Variants in GRIK4 observed in about 807,000 individuals in gnomAD.
The protein encoded by GRIK4 is glutamate receptor ionotropic, kainate 4.
GRIK4 carries 40 observed loss-of-function variants against 104.9 expected under a neutral mutation model. The observed-to-expected ratio is 0.38, with a 90% CI of 0.30 to 0.50. The LOEUF (loss-of-function observed/expected upper bound fraction) is 0.50, where lower values mean the gene tolerates loss of function less well. GRIK4 is among the 20% of genes least tolerant of loss of function. GRIK4 has a pLI of 0.93. For missense variants in GRIK4, 1,047 were observed against 1,308.1 expected, an observed-to-expected ratio of 0.80 and a Z score of 3.08; for synonymous variants, 485 against 524.9, an observed-to-expected ratio of 0.92 and a Z score of 1.04.
At chr11:120,984,825 T>C (rs1301292313) in intron 20 of GRIK4, among the ~76,000 whole-genome samples, 1 of 148,264 alleles carries the variant, frequency 6.7e-6, no homozygotes, top group Non-Finnish European at 1.5e-5. Flanking sequence ...ATATTCTTTT[T>C]TTTTTTTTTT....
chr11:120,635,278 C>T (rs1334672800), intron 1 of GRIK4, among the ~76,000 whole-genome samples: 2 of 152,194 alleles, frequency 1.3e-5, no homozygotes, highest in Non-Finnish European at 2.9e-5. Context: ...CTGCAACCAC[C>T]CAAGGTGCAC....
intron 3 of GRIK4, among the ~76,000 whole-genome samples, chr11:120,669,684 C>A (rs1421154395): frequency 6.6e-6 from 1 of 152,250 alleles, no homozygotes; most frequent in African/African-American, 2.4e-5. Flanking sequence ...CTAGACCACG[C>A]CCCATCTTGT....
intron 13 of GRIK4, among the ~76,000 whole-genome samples, chr11:120,935,477 G>A (rs1266395872): frequency 6.6e-6 from 1 of 152,170 alleles, no homozygotes; most frequent in East Asian, 1.9e-4. Flanking sequence ...TCGAATGTGG[G>A]AGGTGGAGGT....
intron 7 of GRIK4, among the ~76,000 whole-genome samples, 189 bp downstream of exon 7, chr11:120,832,219 A>T (rs188724949): frequency 1.8e-3 from 274 of 152,234 alleles, no homozygotes; most frequent in African/African-American, 6.1e-3. Context: ...GGTGAGGGTG[A>T]TGTCGTTTTC....
At chr11:120,663,129 C>T (rs1186498465) in intron 3 of GRIK4, among the ~76,000 whole-genome samples, 2 of 152,228 alleles carry the variant, frequency 1.3e-5, no homozygotes, top group East Asian at 3.8e-4. Flanking sequence ...GATTTTGCTT[C>T]AGTCCCTCTG....
chr11:120,648,247 C>G (rs950777019), intron 1 of GRIK4, among the ~76,000 whole-genome samples: 3 of 152,202 alleles, frequency 2.0e-5, no homozygotes, highest in Non-Finnish European at 4.4e-5. Context: ...TGTGACATCT[C>G]TAGGCCACTG....
Position 120,903,906 on chromosome 11 carries a change from C to T in GRIK4, c.1273-1384C>T, listed in dbSNP as rs1942806837. 6.6e-6 allele frequency among the ~76,000 whole-genome samples: 1 copy of T among 152,244 alleles called. No individual in the cohort carries two copies. Among genetic ancestry groups the T allele is most frequent in the Non-Finnish European group, 1.5e-5 (1 of 68,052 alleles). On this transcript the variant is annotated intron_variant, in intron 12 of 20. Coordinates refer to ENST00000527524, the MANE Select transcript of GRIK4 (RefSeq NM_014619.5). The surrounding 1 kb of genome is among the most constrained non-coding windows in gnomAD (Gnocchi z 4.4). Reference sequence around the variant, plus strand: ...TGACACATGATCAACACGCTGGTTCCCAGCCCTGCTAGGTCTGTGAGAATG... The same window carrying T: ...TGACACATGATCAACACGCTGGTTCTCAGCCCTGCTAGGTCTGTGAGAATG...
chr11:120,931,704 A>C (rs1202679065), intron 13 of GRIK4, among the ~76,000 whole-genome samples: 2 of 152,216 alleles, frequency 1.3e-5, no homozygotes, highest in Non-Finnish European at 1.5e-5. Context: ...GAGTGAGGTA[A>C]CATGTAAAGG....
At chr11:120,635,388 C>T (rs535970287) in intron 1 of GRIK4, among the ~76,000 whole-genome samples, 15 of 152,360 alleles carry the variant, frequency 9.8e-5, no homozygotes, top group African/African-American at 2.4e-4. Context: ...CTGAGTCCTG[C>T]GTGCCGCAGT....
intron 1 of GRIK4, among the ~76,000 whole-genome samples, chr11:120,598,572 A>G (rs1214422519): frequency 1.3e-5 from 2 of 152,152 alleles, no homozygotes; most frequent in Non-Finnish European, 2.9e-5. Context: ...GAACTTGACT[A>G]TTATTGATGG....
intron 1 of GRIK4, chr11:120,620,143 A>G (rs1332603903): frequency 1.6e-5 from 13 of 833,696 alleles, no homozygotes; most frequent in Non-Finnish European, 2.6e-5. Flanking sequence ...ACATGGCTTT[A>G]TCATGCCTGA....
At chr11:120,618,383 A>G (rs1271688529) in intron 1 of GRIK4, among the ~76,000 whole-genome samples, 1 of 152,248 alleles carries the variant, frequency 6.6e-6, no homozygotes, top group East Asian at 1.9e-4. Context: ...TTAAAAGAGG[A>G]GAAGAGCATG....
intron 1 of GRIK4, among the ~76,000 whole-genome samples, chr11:120,534,195 G>A (rs1947949189): frequency 6.6e-6 from 1 of 152,170 alleles, no homozygotes; most frequent in African/African-American, 2.4e-5. Context: ...TGGAAGGCAG[G>A]TGTTTACGTG....
intron 13 of GRIK4, among the ~76,000 whole-genome samples, chr11:120,935,056 T>A (rs1161891792): frequency 6.6e-6 from 1 of 152,214 alleles, no homozygotes; most frequent in Non-Finnish European, 1.5e-5. Context: ...CGTTCAATAC[T>A]GCTGACCGCC....
chr11:120,978,304 A>G (rs1944595058), intron 19 of GRIK4, among the ~76,000 whole-genome samples: 1 of 152,240 alleles, frequency 6.6e-6, no homozygotes, highest in African/African-American at 2.4e-5. Context: ...ACACAAAAGT[A>G]GTATACCTAA....
intron 11 of GRIK4, among the ~76,000 whole-genome samples, chr11:120,883,751 G>T (rs374341200): frequency 8.2e-4 from 125 of 152,372 alleles, no homozygotes; most frequent in African/African-American, 2.9e-3. Context: ...TTGGGCAGAA[G>T]AGCAGGGTTT....
intron 13 of GRIK4, among the ~76,000 whole-genome samples, chr11:120,930,848 C>T (rs1943467787): frequency 6.6e-6 from 1 of 152,018 alleles, no homozygotes; most frequent in Non-Finnish European, 1.5e-5. Flanking sequence ...GGAGATGGGG[C>T]TGAACTTGCA....
intron 3 of GRIK4, among the ~76,000 whole-genome samples, chr11:120,799,204 ATAGT>A (rs1483715735): frequency 6.6e-6 from 1 of 152,208 alleles, no homozygotes; most frequent in Non-Finnish European, 1.5e-5. Flanking sequence ...TGATTGTTAA[ATAGT>A]TAGTAGGTTA....
intron 1 of GRIK4, among the ~76,000 whole-genome samples, chr11:120,514,539 C>G (rs1947700679): frequency 6.6e-6 from 1 of 152,176 alleles, no homozygotes; most frequent in Admixed American, 6.5e-5. Context: ...CTGCCTGTTC[C>G]TCAGTTCATC....
Sources: gnomAD v4.1 joint callset for allele counts (sites outside exome capture counted in the v4.1 genomes callset) on GRCh38, gnomAD v4.1.1 for gene constraint, Gnocchi (gnomAD v3.1) non-coding constraint, MANE v1.5 for transcripts, NCBI Gene and HGNC (gene_info 2026-07-23, HGNC 2026-07-21) for gene names.